The following FRMD4A variants were observed in gnomAD, a reference collection of about 807,000 sequenced individuals.
The protein encoded by FRMD4A is FERM domain containing 4A.
A neutral mutation model predicts 129.1 loss-of-function variants in FRMD4A; 29 were observed. The observed-to-expected ratio is 0.22, with a 90% CI of 0.17 to 0.31. The LOEUF is 0.31. FRMD4A is among the 10% of genes least tolerant of loss of function. The pLI, the probability that FRMD4A is intolerant of heterozygous loss-of-function variation, is 1.00. For synonymous variants in FRMD4A, 634 were observed against 571.6 expected (o/e 1.11, Z -1.56); for missense variants, 1,272 against 1,375.8 (o/e 0.92, Z 1.19).
intron 4 of FRMD4A, among the ~76,000 whole-genome samples, chr10:13,801,283 T>A (rs1011874414): frequency 1.3e-5 from 2 of 151,194 alleles, no homozygotes; most frequent in South Asian, 2.1e-4. Context: ...AAAAAAAAAA[T>A]GGTCAGGAAG....
chr10:13,813,500 G>A (rs1357341358), intron 3 of FRMD4A, among the ~76,000 whole-genome samples: 2 of 152,168 alleles, frequency 1.3e-5, no homozygotes, highest in Admixed American at 6.6e-5. Context: ...GGGCTACATC[G>A]TGGTAAGCTC....
chr10:14,100,314 G>C (rs1472710225), intron 2 of FRMD4A, among the ~76,000 whole-genome samples: 1 of 152,190 alleles, frequency 6.6e-6, no homozygotes, highest in African/African-American at 2.4e-5. Context: ...TTCGATGGCA[G>C]CCAGAGCTTG....
Position 13,761,657 on chromosome 10 carries a change from C to T in FRMD4A, c.454G>A (p.Asp152Asn). The stretch of plus-strand genomic sequence containing the variant: ...AAATTGTAAACTTACCTAGAAAAAT[C>T]TCCCTTTGCCTCCTGTAGAAGAAAA... The part of the protein sequence containing the change: ...ASYILQEAKG[D>N]FSSNEVVRSD... The change falls in exon 8 of 25, where the codon GAT becomes AAT. Residue 152 changes from aspartate to asparagine, a missense_variant. Physicochemically the swap from Asp to Asn is conservative, Grantham distance 23. Transcript: ENST00000357447. 6.2e-7 allele frequency: 1 copy of T among 1,605,090 alleles called. No individual in the cohort carries two copies. The highest frequency in any genetic ancestry group is 8.5e-7 in the Non-Finnish European group (1 of 1,173,788).
intron 2 of FRMD4A, among the ~76,000 whole-genome samples, chr10:14,065,556 C>T (rs1485387102): frequency 6.6e-6 from 1 of 152,144 alleles, no homozygotes; most frequent in Admixed American, 6.6e-5. Flanking sequence ...GCAGCCTCCT[C>T]CAATTCCCCA....
At chr10:14,260,863 G>A (rs1355261849) in intron 2 of FRMD4A, among the ~76,000 whole-genome samples, 1 of 152,226 alleles carries the variant, frequency 6.6e-6, no homozygotes, top group East Asian at 1.9e-4. Context: ...CAAACAGAGT[G>A]GCATAAAATT....
chr10:14,151,130 C>A (rs934773791), intron 2 of FRMD4A, among the ~76,000 whole-genome samples: 3 of 152,168 alleles, frequency 2.0e-5, no homozygotes, highest in African/African-American at 7.2e-5. Flanking sequence ...GGGTATCTGT[C>A]CACTGCAGGG....
At chr10:14,264,343 G>T (rs1229640283) in intron 2 of FRMD4A, among the ~76,000 whole-genome samples, 1 of 152,174 alleles carries the variant, frequency 6.6e-6, no homozygotes, top group Non-Finnish European at 1.5e-5. Flanking sequence ...GAAAATAGAT[G>T]AGGTGGATCT....
intron 2 of FRMD4A, among the ~76,000 whole-genome samples, chr10:13,983,932 G>C (rs980980514): frequency 7.9e-5 from 12 of 152,026 alleles, no homozygotes; most frequent in African/African-American, 2.9e-4. Context: ...GAACCTGGGA[G>C]GCAGAGGTTG....
chr10:14,328,506 C>T (rs1391208513), intron 2 of FRMD4A, among the ~76,000 whole-genome samples: 1 of 151,890 alleles, frequency 6.6e-6, no homozygotes, highest in African/African-American at 2.4e-5. Context: ...AAGTAGGAGG[C>T]TGAGACAAGC....
chr10:14,252,149 C>T (rs1844462163), intron 2 of FRMD4A, among the ~76,000 whole-genome samples: 1 of 152,118 alleles, frequency 6.6e-6, no homozygotes, highest in South Asian at 2.1e-4. Context: ...ATGTTTGTTT[C>T]AGCCTTCTCT....
rs2080949715 is a variant in FRMD4A at position 13,643,763 on chromosome 10, A to C, written c.*3275T>G. On this transcript the variant is annotated 3_prime_UTR_variant, in exon 25 of 25. Coordinates refer to ENST00000357447, the MANE Select transcript of FRMD4A (RefSeq NM_018027.5). ...TGACAACACTGTTTTGCAAAATGTA[A>C]AGGTACTATACAAATTCTTAATACA... 1 of 152,684 alleles carries C rather than the reference A, an allele frequency of 6.5e-6. No homozygotes were observed. The highest frequency in any genetic ancestry group is 2.1e-4 in the South Asian group (1 of 4,832). 9.5% of individuals were successfully genotyped at this position (152,684 alleles called of 1,614,324 possible). A position where few individuals can be genotyped will look rare whatever the true frequency, so the allele number is the denominator to read the frequency against.
chr10:13,695,899 T>C (rs1297234508), intron 14 of FRMD4A, among the ~76,000 whole-genome samples: 4 of 152,222 alleles, frequency 2.6e-5, no homozygotes, highest in African/African-American at 9.6e-5. Flanking sequence ...GCCCTTCCTC[T>C]GCCCTCGACG....
intron 2 of FRMD4A, among the ~76,000 whole-genome samples, chr10:14,018,440 T>C (rs1266673079): frequency 2.0e-5 from 2 of 99,898 alleles, no homozygotes; most frequent in East Asian, 5.5e-4. Context: ...TGGGCGACAA[T>C]GCAAGACTCC....
At chr10:13,985,150 G>T (rs529550611) in intron 2 of FRMD4A, among the ~76,000 whole-genome samples, 78 of 152,366 alleles carry the variant, frequency 5.1e-4, no homozygotes, top group African/African-American at 1.8e-3. Context: ...TCCTCCGTCT[G>T]CTTGGTTTGC....
At chr10:14,249,629 C>T (rs1844366650) in intron 2 of FRMD4A, among the ~76,000 whole-genome samples, 1 of 152,202 alleles carries the variant, frequency 6.6e-6, no homozygotes, top group African/African-American at 2.4e-5. Flanking sequence ...ATTTCACTTA[C>T]AGGAATGTCA....
At chr10:14,275,900 G>A (rs1845323564) in intron 2 of FRMD4A, among the ~76,000 whole-genome samples, 1 of 152,178 alleles carries the variant, frequency 6.6e-6, no homozygotes, top group Non-Finnish European at 1.5e-5. Flanking sequence ...TTAGCGAGGA[G>A]TAGTGATGCA....
chr10:13,864,338 C>CAAAAAAAAAAAA (rs149602938), intron 2 of FRMD4A, among the ~76,000 whole-genome samples: 8 of 114,626 alleles, frequency 7.0e-5, no homozygotes, highest in Admixed American at 9.6e-5. Flanking sequence ...CATCTTGAGT[C>CAAAAAAAAAAAA]AAAAAAAAAA....
chr10:13,825,993 GT>G (rs2093695138), intron 3 of FRMD4A, among the ~76,000 whole-genome samples: 1 of 152,172 alleles, frequency 6.6e-6, no homozygotes, highest in South Asian at 2.1e-4. Flanking sequence ...TGGTGAATTT[GT>G]AATCGGCCTT....
chr10:13,850,937 A>C (rs886244989), intron 3 of FRMD4A, among the ~76,000 whole-genome samples: 1 of 152,264 alleles, frequency 6.6e-6, no homozygotes, highest in Non-Finnish European at 1.5e-5. Flanking sequence ...ATTGTAGGCC[A>C]GGTGTAGTGG....
Sources: allele counts gnomAD v4.1 joint callset (sites outside exome capture counted in the v4.1 genomes callset), GRCh38; gene constraint gnomAD v4.1.1; transcripts MANE v1.5; gene names NCBI Gene and HGNC (gene_info 2026-07-23, HGNC 2026-07-21).